Variants in VGLL3 observed in about 807,000 individuals in gnomAD.
VGLL3 encodes vestigial like family member 3, also known as transcription cofactor vestigial-like protein 3.
VGLL3 carries 18 observed loss-of-function variants against 29.2 expected under a neutral mutation model. The ratio of observed to expected loss-of-function variants is 0.62; its 90% confidence interval spans 0.43 to 0.91. The LOEUF is 0.91. Among genes scored for constraint, VGLL3 ranks in the 40% least tolerant of loss-of-function variants. The pLI, the probability that VGLL3 is intolerant of heterozygous loss-of-function variation, is 0.00. For missense variants in VGLL3, 440 were observed against 413.2 expected (o/e 1.06, Z -0.56); for synonymous variants, 180 against 151.8 (o/e 1.19, Z -1.36).
chr3:86,966,481 C>A (rs939964751), intron 3 of VGLL3, among the ~76,000 whole-genome samples: 1 of 151,866 alleles, frequency 6.6e-6, no homozygotes, highest in Non-Finnish European at 1.5e-5. Flanking sequence ...GTCCTAAACC[C>A]ATGCTGACAA....
At chr3:86,952,228 A>G (rs1323413043) in intron 3 of VGLL3, among the ~76,000 whole-genome samples, 1 of 152,206 alleles carries the variant, frequency 6.6e-6, no homozygotes, top group Non-Finnish European at 1.5e-5. Context: ...TGAACTAAGA[A>G]TAAACATAAT....
chr3:86,958,639 C>T (rs1704775748), intron 3 of VGLL3, among the ~76,000 whole-genome samples: 1 of 152,162 alleles, frequency 6.6e-6, no homozygotes, highest in Admixed American at 6.5e-5. Context: ...TAAGGTCCTG[C>T]AGCATCCAGG....
Position 86,954,666 on chromosome 3 carries a change from T to C in VGLL3, c.938-7599A>G, listed in dbSNP as rs542990123. Among the ~76,000 whole-genome samples the C allele has an allele frequency of 2.6e-5, 4 of 152,172 alleles. No individual in the cohort carries two copies. In the South Asian group the frequency reaches 8.3e-4, roughly 32 times the overall value. ...CAATTTACCAGTCTCAAAATTTGAA[T>C]GTCAAGGTGGCCAATAACCTCTTGG... is the stretch of plus-strand genomic sequence containing the variant. On this transcript the variant is annotated intron_variant, in intron 3 of 3. Coordinates refer to ENST00000398399, the MANE Select transcript of VGLL3 (RefSeq NM_016206.4).
rs1424834646 is a variant in VGLL3, at chr3:86,968,802, TGGC to T, written c.722_724del (p.Arg241del). 6.2e-7 allele frequency: 1 copy of T among 1,613,938 alleles called. No homozygotes were observed. The highest frequency in any genetic ancestry group is 8.5e-7 in the Non-Finnish European group (1 of 1,180,010). Reference sequence around the variant, plus strand: ...AGGAGGGTGGTGATGGTGATGATGGTGGCGGTGGCGGTGGTGCATGTGGGCATG... The same window carrying T: ...AGGAGGGTGGTGATGGTGATGATGGTGGTGGCGGTGGTGCATGTGGGCATG... On this transcript the variant is annotated inframe_deletion, in exon 3 of 4. Transcript: ENST00000398399.
chr3:86,979,617 A>AC (rs1705281911), intron 1 of VGLL3, among the ~76,000 whole-genome samples: 1 of 152,184 alleles, frequency 6.6e-6, no homozygotes, highest in Non-Finnish European at 1.5e-5. Flanking sequence ...CACCTCACTT[A>AC]ATCTTTACAA....
In VGLL3 at chr3:86,986,872, C is replaced by T. The variant is rs1444741255; in HGVS notation, c.126+3746G>A. On this transcript the variant is annotated intron_variant, in intron 1 of 3. Transcript: ENST00000398399. Reference sequence around the variant, plus strand: ...TTAGCATAATCCAAATGCTTGCTAACGGCCTTTGGAATGCCTAAACTTAAA... The same window carrying T: ...TTAGCATAATCCAAATGCTTGCTAATGGCCTTTGGAATGCCTAAACTTAAA... Among the ~76,000 whole-genome samples, 10 of 152,180 alleles carry T rather than the reference C, an allele frequency of 6.6e-5. No homozygotes were observed. In the South Asian group the frequency reaches 1.2e-3, roughly 19 times the overall value.
intron 3 of VGLL3, among the ~76,000 whole-genome samples, chr3:86,947,908 A>G (rs1704538267): frequency 6.6e-6 from 1 of 152,052 alleles, no homozygotes; most frequent in Non-Finnish European, 1.5e-5. Flanking sequence ...GGCAATTCAC[A>G]TAGCACCTTC....
At position 86,946,855 on chromosome 3, in the gene VGLL3, A is replaced by T; in HGVS notation, c.*169T>A. The T allele has an allele frequency of 3.5e-6, 2 of 574,304 alleles. No homozygotes were observed. Among genetic ancestry groups the T allele is most frequent in the Non-Finnish European group, 6.3e-6 (2 of 318,236 alleles). The allele number at this position is 574,304 out of a possible 1,614,324, so 35.6% of individuals were successfully genotyped here. On this transcript the variant is annotated 3_prime_UTR_variant, in exon 4 of 4. Transcript: ENST00000398399. ...AAAATGCTTTTCTTCAATGTCTGGGACCCACTTTGCTTTCTCAAGAAAGGC... is the reference window on the plus strand; with the variant it reads ...AAAATGCTTTTCTTCAATGTCTGGGTCCCACTTTGCTTTCTCAAGAAAGGC...
rs1704511062 is a variant in VGLL3 at position 86,946,569 on chromosome 3, AT to A, written c.*454del. 6.5e-6 allele frequency: 1 copy of A among 152,682 alleles called. No homozygotes were observed. The highest frequency in any genetic ancestry group is 6.5e-5 in the Admixed American group (1 of 15,306). The allele number at this position is 152,682 out of a possible 1,614,324, so 9.5% of individuals were successfully genotyped here. A position where few individuals can be genotyped will look rare whatever the true frequency, so the allele number is the denominator to read the frequency against. On this transcript the variant is annotated 3_prime_UTR_variant, in exon 4 of 4. Transcript: ENST00000398399. ...AACAATTTTTACAATTTTAAAAAAA[AT>A]ACATCCCTCAAAAATAGCCCATCAA...
intron 2 of VGLL3, among the ~76,000 whole-genome samples, chr3:86,973,239 C>T (rs1705141350): frequency 6.6e-6 from 1 of 152,050 alleles, no homozygotes; most frequent in African/African-American, 2.4e-5. Flanking sequence ...TATAGAAACT[C>T]TAAGTCATCT....
rs1438368676 is a variant in VGLL3 at position 86,970,148 on chromosome 3, A to G, written c.404-1025T>C. Among the ~76,000 whole-genome samples, 8 of 152,188 alleles carry G rather than the reference A, an allele frequency of 5.3e-5. No individual in the cohort carries two copies. The East Asian group carries it at 1.5e-3, about 29-fold the overall frequency. Reference sequence around the variant, plus strand: ...CAAAGAATAGCACTTAGAGACGAATAAGAAAGAAAACGATCCCCTAACTCT... The same window carrying G: ...CAAAGAATAGCACTTAGAGACGAATGAGAAAGAAAACGATCCCCTAACTCT... On this transcript the variant is annotated intron_variant, in intron 2 of 3. Coordinates refer to ENST00000398399, the MANE Select transcript of VGLL3 (RefSeq NM_016206.4).
rs1187745667 is a variant in VGLL3 at position 86,939,573 on chromosome 3, C to A, written c.*7451G>T. On this transcript the variant is annotated 3_prime_UTR_variant, in exon 4 of 4. Coordinates refer to ENST00000398399, the MANE Select transcript of VGLL3 (RefSeq NM_016206.4). ...CCGGGAGGTGGAGGTTGGAGTGAGC[C>A]GAGATCGCGCCACTGCACTCCAGCC... is the stretch of plus-strand genomic sequence containing the variant. The A allele has an allele frequency of 6.5e-6, 1 of 152,822 alleles. No individual in the cohort carries two copies. The highest frequency in any genetic ancestry group is 1.5e-5 in the Non-Finnish European group (1 of 68,562). The allele number at this position is 152,822 out of a possible 1,614,324, so 9.5% of individuals were successfully genotyped here. A position where few individuals can be genotyped will look rare whatever the true frequency, so the allele number is the denominator to read the frequency against.
chr3:86,981,991 C>G (rs752733545), intron 1 of VGLL3, among the ~76,000 whole-genome samples: 1 of 152,028 alleles, frequency 6.6e-6, no homozygotes, highest in African/African-American at 2.4e-5. Flanking sequence ...ACATTAAGTG[C>G]GATCATGAGG....
At position 86,939,156 on chromosome 3, in the gene VGLL3, A is replaced by G. The variant is rs1347307333; in HGVS notation, c.*7868T>C. ...AAGATAAACCCCCACACAAATGCCA[A>G]CGCAAACATTATGACTTGCTACTCC... On this transcript the variant is annotated 3_prime_UTR_variant, in exon 4 of 4. Coordinates refer to ENST00000398399, the MANE Select transcript of VGLL3 (RefSeq NM_016206.4). 1 of 152,226 alleles carries G rather than the reference A, an allele frequency of 6.6e-6. No individual in the cohort carries two copies. Among genetic ancestry groups the G allele is most frequent in the African/African-American group, 2.4e-5 (1 of 41,458 alleles). The allele number at this position is 152,226 out of a possible 1,614,324, so 9.4% of individuals were successfully genotyped here.
chr3:86,986,792 G>A (rs1012213431), intron 1 of VGLL3, among the ~76,000 whole-genome samples: 2 of 151,986 alleles, frequency 1.3e-5, no homozygotes, highest in Non-Finnish European at 2.9e-5. Flanking sequence ...ATATTCATTT[G>A]CTAACTGGAT....
Position 86,978,808 on chromosome 3 carries a change from A to G in VGLL3, c.127-6T>C. On this transcript the variant is annotated splice_polypyrimidine_tract_variant and splice_region_variant and intron_variant, in intron 1 of 3. Transcript: ENST00000398399. ...CTGAATACCGCTAACTTCTTCTGGG[A>G]TGGAATAAACAAAACACAGTATCAA... 6.3e-7 allele frequency: 1 copy of G among 1,592,878 alleles called. No homozygotes were observed. The highest frequency in any genetic ancestry group is 8.6e-7 in the Non-Finnish European group (1 of 1,169,312).
chr3:86,957,895 T>G (rs891771381), intron 3 of VGLL3, among the ~76,000 whole-genome samples: 5 of 152,180 alleles, frequency 3.3e-5, no homozygotes, highest in African/African-American at 1.2e-4. Context: ...AAAGTCCTTC[T>G]CCTTCTTTCC....
chr3:86,979,300 A>C (rs2107051839), intron 1 of VGLL3, among the ~76,000 whole-genome samples: 1 of 152,324 alleles, frequency 6.6e-6, no homozygotes, highest in Non-Finnish European at 1.5e-5. Context: ...ACAGGAATGT[A>C]GCATCTTATA....
rs142597401 is a variant in VGLL3, at chr3:86,974,000, G to T, written c.403+4526C>A. On this transcript the variant is annotated intron_variant, in intron 2 of 3. Coordinates refer to ENST00000398399, the MANE Select transcript of VGLL3 (RefSeq NM_016206.4). Reference sequence around the variant, plus strand: ...GGCATATTTGAAACCAATGTTTAGCGCTGTGCTAAATTAATCATATAGATT... The same window carrying T: ...GGCATATTTGAAACCAATGTTTAGCTCTGTGCTAAATTAATCATATAGATT... Among the ~76,000 whole-genome samples the T allele has an allele frequency of 6.8e-3, 1,040 of 152,208 alleles. 7 individuals are homozygous for T. The highest frequency in any genetic ancestry group is 0.012 in the Non-Finnish European group (802 of 68,016).
Sources: gnomAD v4.1 joint callset for allele counts (sites outside exome capture counted in the v4.1 genomes callset) on GRCh38, gnomAD v4.1.1 for gene constraint, MANE v1.5 for transcripts, NCBI Gene and HGNC (gene_info 2026-07-23, HGNC 2026-07-21) for gene names.